The following CYSLTR1 variants were observed in gnomAD, a reference collection of about 807,000 sequenced individuals.
CYSLTR1 encodes cysteinyl leukotriene receptor 1.
Under a neutral mutation model 2.1 loss-of-function variants are expected in CYSLTR1, and 1 was observed. That is an observed-to-expected ratio of 0.48 (90% CI 0.17 to 2.28). The LOEUF (loss-of-function observed/expected upper bound fraction) is 2.28, where lower values mean the gene tolerates loss of function less well. CYSLTR1 is among the 30% of genes most tolerant of loss of function. CYSLTR1 has a pLI of 0.26. For synonymous variants in CYSLTR1, 110 were observed against 89.6 expected (o/e 1.23, Z -1.28); for missense variants, 299 against 250.1 (o/e 1.20, Z -1.32).
At chrX:78,274,436 C>A (rs1921476799) in intron 2 of CYSLTR1, among the ~76,000 whole-genome samples, 1 of 111,470 alleles carries the variant, frequency 9.0e-6, no homozygotes, top group Admixed American at 9.6e-5. Context: ...ACATCTACAA[C>A]CATCTGATTT....
chrX:78,312,395 C>T (rs1346764489), intron 1 of CYSLTR1, among the ~76,000 whole-genome samples: 2 of 111,796 alleles, frequency 1.8e-5, no homozygotes, highest in African/African-American at 3.2e-5. Context: ...AGGAAACACC[C>T]TTCTCAAGAT....
At chrX:78,278,258 G>T in intron 2 of CYSLTR1, among the ~76,000 whole-genome samples, 1 of 111,616 alleles carries the variant, frequency 9.0e-6, no homozygotes, top group Admixed American at 9.6e-5. Context: ...AAACCTCCAA[G>T]AAATATGGGA....
intron 1 of CYSLTR1, among the ~76,000 whole-genome samples, chrX:78,290,390 T>C (rs1304082472): frequency 9.0e-6 from 1 of 111,715 alleles, no homozygotes; most frequent in Non-Finnish European, 1.9e-5. Flanking sequence ...TGAAGTCAGG[T>C]AGTGTGATGC....
chrX:78,285,712 C>T (rs1367346537), intron 1 of CYSLTR1, among the ~76,000 whole-genome samples: 4 of 112,037 alleles, frequency 3.6e-5, no homozygotes, highest in Admixed American at 9.5e-5. Context: ...ATTGTCTGGG[C>T]AACCGTGTAG....
chrX:78,277,830 C>T (rs1921664203), intron 2 of CYSLTR1, among the ~76,000 whole-genome samples: 1 of 111,963 alleles, frequency 8.9e-6, no homozygotes, highest in Non-Finnish European at 1.9e-5. Flanking sequence ...CAAGAAAGAA[C>T]CAGTGGGAGA....
chrX:78,304,995 C>T (rs759168655), intron 1 of CYSLTR1, among the ~76,000 whole-genome samples: 1 of 111,543 alleles, frequency 9.0e-6, no homozygotes, highest in Non-Finnish European at 1.9e-5. Context: ...TGTTATTGGG[C>T]CAGGAGAAAT....
intron 1 of CYSLTR1, among the ~76,000 whole-genome samples, chrX:78,290,896 C>A (rs922877765): frequency 8.9e-6 from 1 of 111,950 alleles, no homozygotes; most frequent in Non-Finnish European, 1.9e-5. Context: ...ATCATGTCAT[C>A]TGCAAACAGG....
At chrX:78,302,979 C>A (rs943114837) in intron 1 of CYSLTR1, among the ~76,000 whole-genome samples, 1 of 111,432 alleles carries the variant, frequency 9.0e-6, no homozygotes, top group Non-Finnish European at 1.9e-5. Flanking sequence ...GGTCCCAGTT[C>A]AGCATTAGGA....
chrX:78,308,648 C>T (rs1472061305), intron 1 of CYSLTR1, among the ~76,000 whole-genome samples: 1 of 112,256 alleles, frequency 8.9e-6, no homozygotes, highest in African/African-American at 3.2e-5. Flanking sequence ...AACCATAGAA[C>T]TTACTACTTT....
In CYSLTR1 at chrX:78,325,432, C is replaced by T. The variant is rs765875397; in HGVS notation, c.-115+1873G>A. Among the ~76,000 whole-genome samples the T allele has an allele frequency of 6.2e-5, 7 of 112,238 alleles. No homozygotes were observed. In the South Asian group the frequency reaches 1.1e-3, roughly 18 times the overall value. Reference sequence around the variant, plus strand: ...CTGATGGTGGTTTGTATTTTCAAGTCGCTTTCAGATTTTATATTTATCATT... The same window carrying T: ...CTGATGGTGGTTTGTATTTTCAAGTTGCTTTCAGATTTTATATTTATCATT... On this transcript the variant is annotated intron_variant, in intron 1 of 2. Transcript: ENST00000373304.
At chrX:78,316,479 G>T (rs749693263) in intron 1 of CYSLTR1, among the ~76,000 whole-genome samples, 138 of 111,969 alleles carry the variant, frequency 1.2e-3, no homozygotes, top group Non-Finnish European at 2.1e-3. Flanking sequence ...TATGGCCTGG[G>T]AAAAGTTCTG....
At chrX:78,313,478 GAAA>G (rs1923291199) in intron 1 of CYSLTR1, among the ~76,000 whole-genome samples, 1 of 111,237 alleles carries the variant, frequency 9.0e-6, no homozygotes, top group African/African-American at 3.3e-5. Flanking sequence ...GTTGAAACCA[GAAA>G]AAATAAAATT....
chrX:78,294,113 G>T (rs1452914561), intron 1 of CYSLTR1, among the ~76,000 whole-genome samples: 1 of 112,092 alleles, frequency 8.9e-6, no homozygotes, highest in Non-Finnish European at 1.9e-5. Flanking sequence ...CCCCATCTTT[G>T]TGGTTTTATC....
At chrX:78,277,546 A>C (rs928464257) in intron 2 of CYSLTR1, among the ~76,000 whole-genome samples, 5 of 111,487 alleles carry the variant, frequency 4.5e-5, no homozygotes, top group Non-Finnish European at 5.6e-5. Context: ...GTATACTGGG[A>C]ACACCTTGGT....
intron 1 of CYSLTR1, among the ~76,000 whole-genome samples, chrX:78,324,199 G>A (rs1923775175): frequency 8.9e-6 from 1 of 111,854 alleles, no homozygotes; most frequent in African/African-American, 3.2e-5. Flanking sequence ...ATTGCCATCT[G>A]AGGGTGTTTT....
At chrX:78,292,952 T>C (rs1402928018) in intron 1 of CYSLTR1, among the ~76,000 whole-genome samples, 2 of 111,362 alleles carry the variant, frequency 1.8e-5, no homozygotes, top group South Asian at 7.6e-4. Context: ...TGTGTCCTTT[T>C]ATTGAGGGCA....
At chrX:78,277,577 T>C (rs749723846) in intron 2 of CYSLTR1, among the ~76,000 whole-genome samples, 24 of 111,446 alleles carry the variant, frequency 2.2e-4, no homozygotes, top group Non-Finnish European at 4.1e-4. Context: ...CAGCAGGTCC[T>C]TAATCTTGAG....
intron 1 of CYSLTR1, among the ~76,000 whole-genome samples, chrX:78,286,948 A>G (rs1197971149): frequency 9.0e-6 from 1 of 111,370 alleles, no homozygotes; most frequent in African/African-American, 3.3e-5. Flanking sequence ...CTTATTTGCC[A>G]TACATATATT....
chrX:78,275,810 C>T (rs1401692780), intron 2 of CYSLTR1, among the ~76,000 whole-genome samples: 1 of 111,584 alleles, frequency 9.0e-6, no homozygotes. Context: ...GCCACCCATA[C>T]CTATGGAAAA....
Sources: gnomAD v4.1 joint callset for allele counts (sites outside exome capture counted in the v4.1 genomes callset) on GRCh38, gnomAD v4.1.1 for gene constraint, MANE v1.5 for transcripts, NCBI Gene and HGNC (gene_info 2026-07-23, HGNC 2026-07-21) for gene names.